Variants in MAML2 observed in about 807,000 individuals in gnomAD.
MAML2 encodes the protein mastermind-like protein 2.
A neutral mutation model predicts 96.1 loss-of-function variants in MAML2; 22 were observed. That is an observed-to-expected ratio of 0.23 (90% CI 0.16 to 0.33). MAML2 has a LOEUF of 0.33. MAML2 is among the 10% of genes least tolerant of loss of function. The pLI is 1.00. For synonymous variants in MAML2, 561 were observed against 521.3 expected, an observed-to-expected ratio of 1.08 and a Z score of -1.04; for missense variants, 1,367 against 1,392.4, an observed-to-expected ratio of 0.98 and a Z score of 0.29.
chr11:96,112,443 G>A (rs745833228), intron 1 of MAML2, among the ~76,000 whole-genome samples: 4 of 152,276 alleles, frequency 2.6e-5, no homozygotes, highest in Non-Finnish European at 5.9e-5. Context: ...CCAAGAACCT[G>A]TGTACATCCA....
At position 96,247,347 on chromosome 11, in the gene MAML2, C is replaced by T. The variant is rs150498002; in HGVS notation, c.513+94036G>A. On this transcript the variant is annotated intron_variant, in intron 1 of 4. Coordinates refer to ENST00000524717, the MANE Select transcript of MAML2 (RefSeq NM_032427.4). ...AATTCTGAGATAGCAGTTCAGTGGA[C>T]GAAAAAATGTCACTATGCTTTCAAG... Among the ~76,000 whole-genome samples the T allele has an allele frequency of 2.3e-3, 355 of 152,052 alleles. 3 individuals are homozygous for T. The highest frequency in any genetic ancestry group is 8.4e-3 in the African/African-American group (349 of 41,510).
chr11:95,997,143 A>C (rs1011890352), intron 2 of MAML2, among the ~76,000 whole-genome samples: 1 of 152,118 alleles, frequency 6.6e-6, no homozygotes, highest in East Asian at 1.9e-4. Flanking sequence ...TTCATTTTAC[A>C]TGTTCTTTTT....
At chr11:95,981,058 G>GT (rs1482775749) in intron 4 of MAML2, among the ~76,000 whole-genome samples, 1 of 152,222 alleles carries the variant, frequency 6.6e-6, no homozygotes, top group Non-Finnish European at 1.5e-5. Flanking sequence ...TCCTGTTCCT[G>GT]TGTGGTGACC....
chr11:96,265,243 G>C (rs1862810156), intron 1 of MAML2, among the ~76,000 whole-genome samples: 1 of 152,190 alleles, frequency 6.6e-6, no homozygotes, highest in Admixed American at 6.5e-5. Context: ...CTTTAGCGCG[G>C]GGAGGACGAG....
intron 1 of MAML2, among the ~76,000 whole-genome samples, chr11:96,266,917 T>C (rs774490682): frequency 6.6e-6 from 1 of 152,206 alleles, no homozygotes; most frequent in Non-Finnish European, 1.5e-5. Context: ...TGAGGCTTAA[T>C]AAAACATAAC....
chr11:96,084,952 G>A (rs767509057), intron 2 of MAML2, among the ~76,000 whole-genome samples: 45 of 152,186 alleles, frequency 3.0e-4, no homozygotes, highest in Non-Finnish European at 5.9e-4. Context: ...GGGGAAACAG[G>A]TCAACCACCC....
At chr11:96,049,868 T>C (rs894486967) in intron 2 of MAML2, among the ~76,000 whole-genome samples, 1 of 152,150 alleles carries the variant, frequency 6.6e-6, no homozygotes, top group Non-Finnish European at 1.5e-5. Flanking sequence ...TTCTCACTGG[T>C]CAAAAATTTC....
chr11:96,273,931 A>G (rs929440262), intron 1 of MAML2, among the ~76,000 whole-genome samples: 23 of 152,140 alleles, frequency 1.5e-4, no homozygotes, highest in African/African-American at 5.5e-4. Flanking sequence ...TCAAATCCTT[A>G]TTTTTACATT....
At chr11:96,193,390 G>A (rs1000802178) in intron 1 of MAML2, among the ~76,000 whole-genome samples, 14 of 152,116 alleles carry the variant, frequency 9.2e-5, no homozygotes, top group African/African-American at 3.4e-4. Flanking sequence ...AAAAAAATGT[G>A]TCTGGGGAAT....
intron 2 of MAML2, among the ~76,000 whole-genome samples, chr11:96,039,124 G>A (rs2135754324): frequency 6.6e-6 from 1 of 152,190 alleles, no homozygotes; most frequent in Middle Eastern, 3.4e-3. Context: ...GCATGATGAT[G>A]TATGCCTGTA....
chr11:96,140,588 A>G (rs1323997038), intron 1 of MAML2, among the ~76,000 whole-genome samples: 3 of 152,206 alleles, frequency 2.0e-5, no homozygotes, highest in African/African-American at 7.2e-5. Flanking sequence ...ATGCAGAGGC[A>G]CTTCTCAGCT....
intron 2 of MAML2, among the ~76,000 whole-genome samples, chr11:96,015,119 C>T (rs1396105281): frequency 2.6e-5 from 4 of 152,144 alleles, no homozygotes; most frequent in Non-Finnish European, 5.9e-5. Flanking sequence ...TCTCAGGCAG[C>T]CTGACTCCAG....
chr11:96,062,936 G>A (rs1859188711), intron 2 of MAML2, among the ~76,000 whole-genome samples: 1 of 151,988 alleles, frequency 6.6e-6, no homozygotes, highest in African/African-American at 2.4e-5. Context: ...TGATTATGTT[G>A]CCAACCCCCC....
At chr11:96,285,504 C>T (rs1863126282) in intron 1 of MAML2, among the ~76,000 whole-genome samples, 1 of 152,062 alleles carries the variant, frequency 6.6e-6, no homozygotes, top group Non-Finnish European at 1.5e-5. Flanking sequence ...AGCTTCCGTG[C>T]AGCAAAAGAA....
intron 1 of MAML2, among the ~76,000 whole-genome samples, chr11:96,208,687 G>A (rs1282210395): frequency 2.0e-5 from 3 of 152,042 alleles, no homozygotes; most frequent in Admixed American, 1.3e-4. Context: ...GATAACACTA[G>A]TTCACCAGCA....
intron 1 of MAML2, among the ~76,000 whole-genome samples, chr11:96,232,931 C>G (rs1404847187): frequency 1.3e-5 from 2 of 152,124 alleles, no homozygotes; most frequent in Admixed American, 6.6e-5. Flanking sequence ...AAGAAATCAG[C>G]CTTCTTATTT....
intron 1 of MAML2, among the ~76,000 whole-genome samples, chr11:96,275,394 C>T (rs956052529): frequency 1.3e-5 from 2 of 150,306 alleles, no homozygotes; most frequent in Non-Finnish European, 3.0e-5. Flanking sequence ...TCTTCTGCCT[C>T]AGCCTCCCGA....
chr11:96,000,700 T>C (rs988562367), intron 2 of MAML2, among the ~76,000 whole-genome samples: 3 of 152,162 alleles, frequency 2.0e-5, no homozygotes, highest in African/African-American at 7.2e-5. Flanking sequence ...AAAAACAACT[T>C]ACAGATCTTT....
At chr11:96,137,056 T>C (rs1860646146) in intron 1 of MAML2, among the ~76,000 whole-genome samples, 2 of 152,192 alleles carry the variant, frequency 1.3e-5, no homozygotes, top group Admixed American at 1.3e-4. Flanking sequence ...ACAACAATTC[T>C]CTTTCAGTGT....
Sources: gnomAD v4.1 joint callset for allele counts (sites outside exome capture counted in the v4.1 genomes callset) on GRCh38, gnomAD v4.1.1 for gene constraint, MANE v1.5 for transcripts, NCBI Gene and HGNC (gene_info 2026-07-23, HGNC 2026-07-21) for gene names.